Variants in LIMK1 observed in about 807,000 individuals in gnomAD.
The protein encoded by LIMK1 is LIM domain kinase 1.
Under a neutral mutation model 77.6 loss-of-function variants are expected in LIMK1, and 21 were observed. The ratio of observed to expected loss-of-function variants is 0.27; its 90% CI spans 0.19 to 0.39. LIMK1 has a LOEUF of 0.39. LIMK1 is among the 10% of genes least tolerant of loss of function. The pLI is 1.00. For synonymous variants in LIMK1, 358 were observed against 370.0 expected (o/e 0.97, Z 0.37); for missense variants, 696 against 901.6 (o/e 0.77, Z 2.92).
Position 74,099,059 on chromosome 7 carries a change from G to A in LIMK1, c.429G>A (p.Val143=). 1.2e-6 allele frequency: 2 copies of A among 1,612,546 alleles called. No individual in the cohort carries two copies. Among genetic ancestry groups the A allele is most frequent in the Middle Eastern group, 1.7e-4 (1 of 6,056 alleles). Reference sequence around the variant, plus strand: ...GGCACTGCTACTACCAGACTGTGGTGACCCCCGTCATCGAGCAGATCCTGC... The same window carrying A: ...GGCACTGCTACTACCAGACTGTGGTAACCCCCGTCATCGAGCAGATCCTGC... ...YCGHCYYQTV[V]TPVIEQILPD... is the part of the protein sequence containing the mutation. The change falls in exon 5 of 16, where the codon GTG becomes GTA. Residue 143 remains valine, a synonymous_variant. Transcript: ENST00000336180.
In LIMK1 at chr7:74,090,424, A is replaced by G. The variant is rs34884175; in HGVS notation, c.152+4580A>G. Among the ~76,000 whole-genome samples, 1,255 of 151,824 alleles carry G rather than the reference A, an allele frequency of 8.3e-3. 8 individuals carry two copies. The highest frequency in any genetic ancestry group is 0.014 in the Non-Finnish European group (939 of 67,990). On this transcript the variant is annotated intron_variant, in intron 2 of 15. Transcript: ENST00000336180. The stretch of plus-strand genomic sequence containing the variant: ...GAAAGATCCACTAGAAGTAAGAGCC[A>G]TGGCTTCTACCTCGTGGCTTGTGGG...
intron 2 of LIMK1, among the ~76,000 whole-genome samples, chr7:74,087,232 G>A (rs1213443317): frequency 6.6e-6 from 1 of 151,926 alleles, no homozygotes; most frequent in Non-Finnish European, 1.5e-5. Context: ...GCAACACCCT[G>A]TCTCCACTGA....
At chr7:74,087,460 A>G (rs559144323) in intron 2 of LIMK1, among the ~76,000 whole-genome samples, 1 of 152,312 alleles carries the variant, frequency 6.6e-6, no homozygotes, top group East Asian at 1.9e-4. Context: ...TTACAGGCAT[A>G]GTCACCAAAC....
At chr7:74,106,742 A>G (rs1799581965) in intron 7 of LIMK1, among the ~76,000 whole-genome samples, 2 of 152,152 alleles carry the variant, frequency 1.3e-5, no homozygotes, top group Admixed American at 1.3e-4. Flanking sequence ...CCTGGGCAAC[A>G]GTGTGAGACT....
intron 2 of LIMK1, chr7:74,093,114 C>T: frequency 7.0e-7 from 1 of 1,427,596 alleles, no homozygotes; most frequent in East Asian, 2.6e-5. Context: ...CAGCCTCCTC[C>T]TGTGCGCTGC....
chr7:74,121,123 C>T lies in LIMK1; in HGVS notation c.1782-16C>T, dbSNP rs782226621. On this transcript the variant is annotated splice_polypyrimidine_tract_variant and intron_variant, in intron 15 of 15. Transcript: ENST00000336180. ...GGACAGCCAGACCCACCGTTCCCCA[C>T]CCACCTGTCACCCAGGCCATCCTTT... 4 of 1,610,422 alleles carry T rather than the reference C, an allele frequency of 2.5e-6. No homozygotes were observed. In the South Asian group the frequency reaches 3.3e-5, roughly 13 times the overall value.
In LIMK1 at chr7:74,096,736, G is replaced by A. The variant is rs1554695676; in HGVS notation, c.267G>A (p.Glu89=). The change falls in exon 3 of 16, where the codon GAG becomes GAA. Residue 89 remains glutamate (E), a synonymous_variant. Coordinates refer to ENST00000336180, the MANE Select transcript of LIMK1 (RefSeq NM_002314.4). ...RYGESCHGCS[E]QITKGLVMVA... is the part of the protein sequence containing the mutation. ...GCGAGTCCTGCCATGGGTGCTCTGA[G>A]CAAATCACCAAGGGACTGGTTATGG... The A allele has an allele frequency of 2.5e-6, 4 of 1,611,006 alleles. No individual in the cohort carries two copies. Among genetic ancestry groups the A allele is most frequent in the African/African-American group, 2.7e-5 (2 of 74,878 alleles).
rs1162149400 is a variant in LIMK1 at position 74,115,814 on chromosome 7, G to A, written c.1423G>A (p.Val475Met). 6.2e-7 allele frequency: 1 copy of A among 1,614,130 alleles called. No homozygotes were observed. Among genetic ancestry groups the A allele is most frequent in the East Asian group, 2.2e-5 (1 of 44,888 alleles). The change falls in exon 13 of 16, where the codon GTG (valine) becomes ATG (methionine). Residue 475 changes from valine (V) to methionine (M), a missense_variant. Around this residue, in one of 3 missense-constraint regions of LIMK1, gnomAD observed 438 missense variants for 602.3 expected, o/e 0.73. Transcript: ENST00000336180. Reference protein sequence around the residue: ...NCLVRENKNVVVADFGLARLM... With the variant: ...NCLVRENKNVMVADFGLARLM... ...TTCACCTTCCCAGAACAAGAATGTGGTGGTGGCTGACTTCGGGCTGGCGCG... is the reference window on the plus strand; with the variant it reads ...TTCACCTTCCCAGAACAAGAATGTGATGGTGGCTGACTTCGGGCTGGCGCG...
At chr7:74,095,155 C>G (rs922277592) in intron 2 of LIMK1, among the ~76,000 whole-genome samples, 8 of 152,180 alleles carry the variant, frequency 5.3e-5, no homozygotes, top group Non-Finnish European at 1.0e-4. Flanking sequence ...GGGTAGGAAA[C>G]AGCCCTTAAG....
intron 4 of LIMK1, among the ~76,000 whole-genome samples, chr7:74,097,967 A>G (rs1554695956): frequency 6.6e-6 from 1 of 152,212 alleles, no homozygotes; most frequent in East Asian, 1.9e-4. Flanking sequence ...ATTATGAAGG[A>G]CACAGCTCAG....
chr7:74,111,861 T>A (rs1041238175), intron 11 of LIMK1, 72 bp from the exon 12 acceptor site: 58 of 1,474,820 alleles, frequency 3.9e-5, no homozygotes, highest in Non-Finnish European at 5.1e-5. Flanking sequence ...GCAGAGGGAG[T>A]TCCTGGGGAG....
chr7:74,115,749 A>G, intron 12 of LIMK1, 53 bp from the exon 13 acceptor site: 1 of 1,588,618 alleles, frequency 6.3e-7, no homozygotes, highest in Non-Finnish European at 8.6e-7. Flanking sequence ...GGGGCAGGCC[A>G]AGCGGGCAGT....
At chr7:74,112,890 G>A (rs1799732725) in intron 12 of LIMK1, among the ~76,000 whole-genome samples, 1 of 152,046 alleles carries the variant, frequency 6.6e-6, no homozygotes, top group African/African-American at 2.4e-5. Flanking sequence ...AGAGCCCAGT[G>A]TCTAAGGATT....
chr7:74,096,388 C>A (rs1038140604), intron 2 of LIMK1, among the ~76,000 whole-genome samples: 2 of 151,982 alleles, frequency 1.3e-5, no homozygotes, highest in South Asian at 2.1e-4. Context: ...GTAGTCCCAG[C>A]TACTCAGGAG....
At chr7:74,098,190 A>G (rs1799373626) in intron 4 of LIMK1, among the ~76,000 whole-genome samples, 1 of 152,182 alleles carries the variant, frequency 6.6e-6, no homozygotes, top group African/African-American at 2.4e-5. Context: ...ACCCTCTTCA[A>G]ATCACATGAT....
At position 74,115,899 on chromosome 7, in the gene LIMK1, G is replaced by T. The variant is rs782777225; in HGVS notation, c.1508G>T (p.Arg503Leu). 1 of 1,614,078 alleles carries T rather than the reference G, an allele frequency of 6.2e-7. No homozygotes were observed. Among genetic ancestry groups the T allele is most frequent in the Non-Finnish European group, 8.5e-7 (1 of 1,180,026 alleles). Residue 503 changes from arginine (R) to leucine (L), a missense_variant, in exon 13 of 16, where the codon CGC (arginine) becomes CTC (leucine). Transcript: ENST00000336180. ...CTGCGGAGCCTCAAGAAGCCAGACC[G>T]CAAGAAGCGCTACACCGTGGTGGGC... ...EGLRSLKKPDRKKRYTVVGNP... is the reference protein window; with the variant it reads ...EGLRSLKKPDLKKRYTVVGNP...
Position 74,107,054 on chromosome 7 carries a change from G to T in LIMK1, c.926G>T (p.Gly309Val), listed in dbSNP as rs782606330. ...IDRSPGAGSL[G>V]SPASQRKDLG... is the part of the protein sequence containing the mutation. ...AGGTCTCCGGGCGCTGGCTCACTGG[G>T]CTCCCCGGCCTCCCAGCGCAAGGAC... Residue 309 changes from glycine to valine, a missense_variant, in exon 8 of 16, where the codon GGC becomes GTC. By Grantham distance (109) the Gly-to-Val change is moderately radical. Coordinates refer to ENST00000336180, the MANE Select transcript of LIMK1 (RefSeq NM_002314.4). 15 of 1,604,162 alleles carry T rather than the reference G, an allele frequency of 9.4e-6. No individual in the cohort carries two copies. In the Admixed American group the frequency reaches 2.5e-4, roughly 27 times the overall value.
At position 74,090,707 on chromosome 7, in the gene LIMK1, C is replaced by T. The variant is rs369372271; in HGVS notation, c.152+4863C>T. On this transcript the variant is annotated intron_variant, in intron 2 of 15. Coordinates refer to ENST00000336180, the MANE Select transcript of LIMK1 (RefSeq NM_002314.4). ...CCTCACCCCTCTGAAGGTGTTCGGG[C>T]AGGGGCAATGTGATAAGGCCATGAG... Among the ~76,000 whole-genome samples, 19 of 152,278 alleles carry T rather than the reference C, an allele frequency of 1.2e-4. 1 individual carries two copies. In the East Asian group the frequency reaches 3.7e-3, roughly 29 times the overall value.
In LIMK1 at chr7:74,121,467, C is replaced by T. The variant is rs1208327550; in HGVS notation, c.*166C>T. 2.2e-5 allele frequency: 15 copies of T among 683,482 alleles called. No homozygotes were observed. The highest frequency in any genetic ancestry group is 3.6e-5 in the African/African-American group (2 of 55,364). The allele number at this position is 683,482 out of a possible 1,614,324, so 42.3% of individuals were successfully genotyped here. A position where few individuals can be genotyped will look rare whatever the true frequency, so the allele number is the denominator to read the frequency against. On this transcript the variant is annotated 3_prime_UTR_variant, in exon 16 of 16. Coordinates refer to ENST00000336180, the MANE Select transcript of LIMK1 (RefSeq NM_002314.4). Reference sequence around the variant, plus strand: ...CCCCGTGGACCGCTTCCCCTGCCTTCTCTCTGCCGTGGCCCAGAGCCGGCC... The same window carrying T: ...CCCCGTGGACCGCTTCCCCTGCCTTTTCTCTGCCGTGGCCCAGAGCCGGCC...
Sources: allele counts gnomAD v4.1 joint callset (sites outside exome capture counted in the v4.1 genomes callset), GRCh38; gene constraint gnomAD v4.1.1; regional missense constraint gnomAD v4.1.1; transcripts MANE v1.5; gene names NCBI Gene and HGNC (gene_info 2026-07-23, HGNC 2026-07-21).